The following DNAH9 variants were observed in gnomAD, a reference collection of about 807,000 sequenced individuals.
DNAH9 encodes DNAH9 variant protein.
In DNAH9, 345 loss-of-function variants were observed where a neutral mutation model predicts 471.6. That is an observed-to-expected ratio of 0.73 (90% confidence interval 0.67 to 0.80). The LOEUF is 0.80. DNAH9 is among the 30% of genes least tolerant of loss of function. The pLI, the probability that DNAH9 is intolerant of heterozygous loss-of-function variation, is 0.00. For synonymous variants in DNAH9, 2,093 were observed against 2,123.6 expected (o/e 0.99, Z 0.40); for missense variants, 5,407 against 5,609.2 (o/e 0.96, Z 1.15).
At chr17:11,841,303 G>A (rs1438054322) in intron 49 of DNAH9, among the ~76,000 whole-genome samples, 1 of 152,208 alleles carries the variant, frequency 6.6e-6, no homozygotes, top group Non-Finnish European at 1.5e-5. Flanking sequence ...CGAGAAAAAT[G>A]TGGTCCATGC....
rs773905856 is a variant in DNAH9 at position 11,629,409 on chromosome 17, C to T, written c.1351-8C>T. On this transcript the variant is annotated splice_polypyrimidine_tract_variant and splice_region_variant and intron_variant, in intron 6 of 68. Transcript: ENST00000262442. Reference sequence around the variant, plus strand: ...TGATTTTAACTTTTTTGTGAATTGTCCCCATAGGGTCTTCTGAAGACGGCC... The same window carrying T: ...TGATTTTAACTTTTTTGTGAATTGTTCCCATAGGGTCTTCTGAAGACGGCC... 1.9e-6 allele frequency: 3 copies of T among 1,611,282 alleles called. No homozygotes were observed. The highest frequency in any genetic ancestry group is 2.5e-6 in the Non-Finnish European group (3 of 1,178,484).
intron 45 of DNAH9, among the ~76,000 whole-genome samples, chr17:11,811,357 A>T (rs957253011): frequency 2.6e-5 from 4 of 151,872 alleles, no homozygotes; most frequent in Non-Finnish European, 5.9e-5. Context: ...CGAGATAAAG[A>T]GGCAGGGAGA....
Position 11,892,947 on chromosome 17 carries a change from C to T in DNAH9, c.11283+1000C>T, listed in dbSNP as rs779524441. 2.9e-4 allele frequency among the ~76,000 whole-genome samples: 44 copies of T among 152,170 alleles called. No individual in the cohort carries two copies. The highest frequency in any genetic ancestry group is 3.4e-3 in the Middle Eastern group (1 of 294). The stretch of plus-strand genomic sequence containing the variant: ...GAGCACAGACTAATTATCTCGAAGG[C>T]CCTTTCCTTGAATCTTCTGATCCGT... On this transcript the variant is annotated intron_variant, in intron 58 of 68. Transcript: ENST00000262442. This position sits in a 1 kb window ranked among gnomAD's most constrained non-coding sequence, Gnocchi z 4.3.
intron 22 of DNAH9, among the ~76,000 whole-genome samples, chr17:11,695,811 T>A (rs1477457794): frequency 6.6e-6 from 1 of 152,216 alleles, no homozygotes. Flanking sequence ...GGGACTACAC[T>A]ATGAGAACTT....
chr17:11,745,134 C>T, intron 31 of DNAH9, 50 bp downstream of exon 31: 2 of 1,459,240 alleles, frequency 1.4e-6, no homozygotes, highest in South Asian at 1.3e-5. Context: ...ACTTATTGTC[C>T]AGGATAATGG....
Position 11,941,885 on chromosome 17 carries a change from TATAG to T in DNAH9, c.12661-407_12661-404del, listed in dbSNP as rs148170292. Among the ~76,000 whole-genome samples the T allele has an allele frequency of 9.1e-3, 1,385 of 152,050 alleles. 24 individuals carry two copies. The highest frequency in any genetic ancestry group is 0.031 in the African/African-American group (1,282 of 41,364). On this transcript the variant is annotated intron_variant, in intron 66 of 68. Transcript: ENST00000262442. The stretch of plus-strand genomic sequence containing the variant: ...TGTATATTGATATACTGTATCTGGA[TATAG>T]ATAGATAGATTTGTCATTGCTGCTC...
rs777331377 is a variant in DNAH9 at position 11,929,862 on chromosome 17, C to G, written c.11878-4C>G. ...TTGAGGGGGGGCTCCTTCCTTCCCA[C>G]TAGAACATTCACCTGGTGGCCAAGT... On this transcript the variant is annotated splice_polypyrimidine_tract_variant and splice_region_variant and intron_variant, in intron 62 of 68. Transcript: ENST00000262442. 5.0e-6 allele frequency: 8 copies of G among 1,611,884 alleles called. No individual in the cohort carries two copies. Among genetic ancestry groups the G allele is most frequent in the Non-Finnish European group, 6.8e-6 (8 of 1,179,034 alleles).
chr17:11,779,914 G>A (rs758289157), intron 38 of DNAH9, among the ~76,000 whole-genome samples: 11 of 152,210 alleles, frequency 7.2e-5, no homozygotes, highest in South Asian at 2.1e-4. Flanking sequence ...GAAGGAACTT[G>A]TCTATCTGTC....
At chr17:11,869,395 G>T in intron 51 of DNAH9, 142 bp downstream of exon 51, 2 of 1,233,602 alleles carry the variant, frequency 1.6e-6, no homozygotes, top group Admixed American at 2.8e-5. Flanking sequence ...TGCAGGAATT[G>T]AGTCCTGAGG....
At chr17:11,632,504 C>T (rs1038526899) in intron 7 of DNAH9, 83 bp from the exon 8 acceptor site, 8 of 711,930 alleles carry the variant, frequency 1.1e-5, no homozygotes, top group South Asian at 1.0e-4. Context: ...CCAGTTCAAA[C>T]ACAAAAGTTA....
chr17:11,647,606 C>T (rs993108873), intron 12 of DNAH9, among the ~76,000 whole-genome samples: 14 of 152,136 alleles, frequency 9.2e-5, no homozygotes, highest in African/African-American at 3.4e-4. Context: ...ACAAACATAG[C>T]CCACTGGGCC....
chr17:11,873,419 T>G (rs555914983), intron 52 of DNAH9: 2 of 152,316 alleles, frequency 1.3e-5, no homozygotes, highest in Non-Finnish European at 2.9e-5. Context: ...TGGTCCCAGA[T>G]AAGAATCCCC....
In DNAH9 at chr17:11,900,188, G is replaced by A. The variant is rs1011537923; in HGVS notation, c.11407-2531G>A. On this transcript the variant is annotated intron_variant, in intron 59 of 68. Transcript: ENST00000262442. ...GCTGGGGCCAGAACTCCAGTCCCCC[G>A]GTGCCTCCTGCTCCACTCCACACAC... Among the ~76,000 whole-genome samples the A allele has an allele frequency of 9.3e-5, 14 of 151,252 alleles. No individual in the cohort carries two copies. The East Asian group carries it at 9.7e-4, about 10-fold the overall frequency.
intron 49 of DNAH9, among the ~76,000 whole-genome samples, chr17:11,844,035 T>A (rs558065749): frequency 9.4e-6 from 1 of 106,518 alleles, no homozygotes. Context: ...AATAAGTATA[T>A]ACTCTTAATA....
At chr17:11,655,873 GAT>G (rs149224780) in intron 14 of DNAH9, among the ~76,000 whole-genome samples, 119 of 147,568 alleles carry the variant, frequency 8.1e-4, no homozygotes, top group Middle Eastern at 7.2e-3. Flanking sequence ...GAAAGGGTGG[GAT>G]ATATATATAT....
intron 17 of DNAH9, among the ~76,000 whole-genome samples, chr17:11,675,957 ATTC>A (rs1345073563): frequency 3.3e-5 from 5 of 151,896 alleles, no homozygotes; most frequent in African/African-American, 1.2e-4. Context: ...ACAAGAAGTA[ATTC>A]TTCTTATTTT....
intron 49 of DNAH9, among the ~76,000 whole-genome samples, chr17:11,851,649 G>A (rs540486175): frequency 1.1e-4 from 17 of 152,208 alleles, no homozygotes; most frequent in African/African-American, 4.1e-4. Flanking sequence ...CCACACACAG[G>A]GAGACAGGGA....
At chr17:11,968,568 C>A (rs1976928873) in intron 68 of DNAH9, among the ~76,000 whole-genome samples, 1 of 152,168 alleles carries the variant, frequency 6.6e-6, no homozygotes, top group Non-Finnish European at 1.5e-5. Flanking sequence ...AAACTGTTTT[C>A]TTTATTGCTA....
intron 14 of DNAH9, among the ~76,000 whole-genome samples, chr17:11,663,542 CTG>C (rs1489283160): frequency 6.6e-6 from 1 of 152,192 alleles, no homozygotes; most frequent in Non-Finnish European, 1.5e-5. Context: ...ATAATCAGTT[CTG>C]TGTTTGTTTG....
Sources: allele counts gnomAD v4.1 joint callset (sites outside exome capture counted in the v4.1 genomes callset), GRCh38; gene constraint gnomAD v4.1.1; non-coding constraint Gnocchi (gnomAD v3.1); transcripts MANE v1.5; gene names NCBI Gene and HGNC (gene_info 2026-07-23, HGNC 2026-07-21).